The following MAP3K14 variants were observed in gnomAD, a reference collection of about 807,000 sequenced individuals.
MAP3K14 encodes NF-kappa-beta-inducing kinase.
In MAP3K14, 16 loss-of-function variants were observed where a neutral mutation model predicts 99.2. That is an observed-to-expected ratio of 0.16 (90% CI 0.11 to 0.24). The LOEUF is 0.24. Among genes scored for constraint, MAP3K14 ranks in the 10% least tolerant of loss-of-function variants. The pLI, the probability that MAP3K14 is intolerant of heterozygous loss-of-function variation, is 1.00. For synonymous variants in MAP3K14, 462 were observed against 492.4 expected, an observed-to-expected ratio of 0.94 and a Z score of 0.82; for missense variants, 784 against 1,208.7, an observed-to-expected ratio of 0.65 and a Z score of 5.21.
intron 8 of MAP3K14, chr17:45,273,859 G>A (rs1378906453): frequency 7.8e-6 from 5 of 643,806 alleles, no homozygotes; most frequent in East Asian, 2.7e-5. Context: ...CACTCTGCTC[G>A]CCTGCGCCGA....
chr17:45,286,526 G>A lies in MAP3K14; in HGVS notation c.1057C>T (p.Leu353=). The change falls in exon 5 of 16, where the codon CTG becomes TTG. Residue 353 remains leucine (L), a synonymous_variant. Transcript: ENST00000344686. The surrounding 1 kb of genome is among the most constrained non-coding windows in gnomAD (Gnocchi z 4.1). ...GCCCAGGTCTTGGCCAGGCTGGTCA[G>A]GCTGTGGGCCTGGCCTGAGCTCACG... ...GSVSSGQAHS[L]TSLAKTWAAR... 2 of 1,609,094 alleles carry A rather than the reference G, an allele frequency of 1.2e-6. No homozygotes were observed. The highest frequency in any genetic ancestry group is 1.7e-6 in the Non-Finnish European group (2 of 1,178,012).
intron 1 of MAP3K14, among the ~76,000 whole-genome samples, chr17:45,305,331 C>T (rs2044422682): frequency 6.6e-6 from 1 of 151,004 alleles, no homozygotes; most frequent in African/African-American, 2.4e-5. Flanking sequence ...CTCCTGACCT[C>T]GTGATCCACC....
At position 45,264,642 on chromosome 17, in the gene MAP3K14, C is replaced by A. The variant is rs938668071; in HGVS notation, c.2838G>T (p.Arg946Ser). 17 of 1,578,306 alleles carry A rather than the reference C, an allele frequency of 1.1e-5. No individual in the cohort carries two copies. The highest frequency in any genetic ancestry group is 1.5e-5 in the Non-Finnish European group (17 of 1,162,860). Reference protein sequence around the residue: ...WRVKHGQLENRP With the variant: ...WRVKHGQLENSP ...CCGGCGGTGGAGGGCAGGGTTAGGG[C>A]CTGTTCTCCAGCTGGCCATGCTTGA... Residue 946 changes from arginine (R) to serine (S), a missense_variant, in exon 16 of 16, where the codon AGG becomes AGT. By Grantham distance (110) the Arg-to-Ser change is moderately radical. Around this residue, in one of 5 missense-constraint regions of MAP3K14, gnomAD observed 130 missense variants for 220.4 expected, o/e 0.59. Coordinates refer to ENST00000344686, the MANE Select transcript of MAP3K14 (RefSeq NM_003954.5).
In MAP3K14 at chr17:45,264,513, C is replaced by G. The variant is rs2044053572; in HGVS notation, c.*123G>C. On this transcript the variant is annotated 3_prime_UTR_variant, in exon 16 of 16. Coordinates refer to ENST00000344686, the MANE Select transcript of MAP3K14 (RefSeq NM_003954.5). ...CACCTTGCTGCTGCGAGGCCCTGGT[C>G]CCACTGCTGAGCCGGGGGCTGGCAG... 8.0e-7 allele frequency: 1 copy of G among 1,257,262 alleles called. No individual in the cohort carries two copies. 77.9% of individuals were successfully genotyped at this position (1,257,262 alleles called of 1,614,324 possible). A position where few individuals can be genotyped will look rare whatever the true frequency, so the allele number is the denominator to read the frequency against.
chr17:45,264,486 C>G lies in MAP3K14; in HGVS notation c.*150G>C. On this transcript the variant is annotated 3_prime_UTR_variant, in exon 16 of 16. Transcript: ENST00000344686. ...AATCCTGGGAGGCATTCTGCTTGCC[C>G]CCACCTTGCTGCTGCGAGGCCCTGG... The G allele has an allele frequency of 1.0e-6, 1 of 962,934 alleles. No individual in the cohort carries two copies. The allele number at this position is 962,934 out of a possible 1,614,324, so 59.6% of individuals were successfully genotyped here.
intron 11 of MAP3K14, chr17:45,268,072 A>G: frequency 3.4e-6 from 1 of 292,426 alleles, no homozygotes; most frequent in South Asian, 4.4e-5. Context: ...CAAGAAAGAG[A>G]AGATTGAAAA....
At position 45,273,585 on chromosome 17, in the gene MAP3K14, G is replaced by A. The variant is rs374692281; in HGVS notation, c.1575C>T (p.Ser525=). 99 of 1,612,996 alleles carry A rather than the reference G, an allele frequency of 6.1e-5. No individual in the cohort carries two copies. The highest frequency in any genetic ancestry group is 8.0e-5 in the Non-Finnish European group (94 of 1,179,582). ...DVKADNVLLS[S]DGSHAALCDF... The stretch of plus-strand genomic sequence containing the variant: ...CACAGAGGGCTGCGTGGCTCCCATC[G>A]CTGGACAGGAGCACGTTGTCAGCTG... Residue 525 remains serine, a synonymous_variant, in exon 9 of 16, where the codon AGC becomes AGT. Transcript: ENST00000344686.
rs750630642 is a variant in MAP3K14 at position 45,289,299 on chromosome 17, T to G, written c.263A>C (p.Asn88Thr). Residue 88 changes from asparagine to threonine, a missense_variant, in exon 3 of 16, where the codon AAT becomes ACT. By Grantham distance (65) the Asn-to-Thr change is moderately conservative. Transcript: ENST00000344686. The stretch of plus-strand genomic sequence containing the variant: ...AAAGGTGGGGCTGAACTCTTGGCTA[T>G]TCTCACCTAAAGCAAAAGGAGTTGG... ...ISIIAQAECE[N>T]SQEFSPTFSE... 1.2e-6 allele frequency: 2 copies of G among 1,613,928 alleles called. No individual in the cohort carries two copies. Among genetic ancestry groups the G allele is most frequent in the East Asian group, 2.2e-5 (1 of 44,882 alleles).
chr17:45,279,196 C>A (rs2044201189), intron 6 of MAP3K14, among the ~76,000 whole-genome samples: 1 of 152,208 alleles, frequency 6.6e-6, no homozygotes, highest in Non-Finnish European at 1.5e-5. Flanking sequence ...ATGGCGTGAT[C>A]TCGGCTCACC....
At chr17:45,273,019 A>G (rs1382168495) in intron 9 of MAP3K14, among the ~76,000 whole-genome samples, 1 of 152,190 alleles carries the variant, frequency 6.6e-6, no homozygotes, top group Non-Finnish European at 1.5e-5. Context: ...CCTCTTTTAT[A>G]TGCTTAACTC....
chr17:45,308,942 C>T (rs1385523747), intron 1 of MAP3K14, among the ~76,000 whole-genome samples: 2 of 152,036 alleles, frequency 1.3e-5, no homozygotes, highest in African/African-American at 4.8e-5. Flanking sequence ...GCTGGGATTA[C>T]AGGTGTGAGC....
At chr17:45,307,687 C>T (rs538660062) in intron 1 of MAP3K14, among the ~76,000 whole-genome samples, 1 of 152,282 alleles carries the variant, frequency 6.6e-6, no homozygotes, top group African/African-American at 2.4e-5. Flanking sequence ...CTTCAAGCAG[C>T]GTCTACCTGT....
At chr17:45,312,547 C>CT (rs1009520549) in intron 1 of MAP3K14, among the ~76,000 whole-genome samples, 1 of 151,652 alleles carries the variant, frequency 6.6e-6, no homozygotes, top group Non-Finnish European at 1.5e-5. Context: ...TAACATGAAA[C>CT]TTTTTTTTTC....
chr17:45,264,572 C>A lies in MAP3K14; in HGVS notation c.*64G>T. On this transcript the variant is annotated 3_prime_UTR_variant, in exon 16 of 16. Transcript: ENST00000344686. ...GAACGGCTGAGCCTGTGTTTCAGGGCAGCATCGTGCACCGAGCAGGAAGGC... is the reference window on the plus strand; with the variant it reads ...GAACGGCTGAGCCTGTGTTTCAGGGAAGCATCGTGCACCGAGCAGGAAGGC... 6.8e-7 allele frequency: 1 copy of A among 1,479,224 alleles called. No homozygotes were observed. Among genetic ancestry groups the A allele is most frequent in the Admixed American group, 2.2e-5 (1 of 45,578 alleles). The allele number at this position is 1,479,224 out of a possible 1,614,324, so 91.6% of individuals were successfully genotyped here.
At chr17:45,264,908 C>T in intron 15 of MAP3K14, 108 bp from the exon 16 acceptor site, 1 of 1,197,186 alleles carries the variant, frequency 8.4e-7, no homozygotes, top group Non-Finnish European at 1.2e-6. Flanking sequence ...AAGGGCACTG[C>T]CTGTCTGTCA....
Position 45,264,488 on chromosome 17 carries a change from C to T in MAP3K14, c.*148G>A. On this transcript the variant is annotated 3_prime_UTR_variant, in exon 16 of 16. Transcript: ENST00000344686. ...TCCTGGGAGGCATTCTGCTTGCCCC[C>T]ACCTTGCTGCTGCGAGGCCCTGGTC... 5.1e-6 allele frequency: 5 copies of T among 978,272 alleles called. No homozygotes were observed. Among genetic ancestry groups the T allele is most frequent in the Non-Finnish European group, 5.8e-6 (4 of 688,952 alleles). 60.6% of individuals were successfully genotyped at this position (978,272 alleles called of 1,614,324 possible).
At chr17:45,300,000 G>C (rs1412540338) in intron 1 of MAP3K14, among the ~76,000 whole-genome samples, 4 of 152,152 alleles carry the variant, frequency 2.6e-5, no homozygotes, top group African/African-American at 7.2e-5. Context: ...TGAGATGAGA[G>C]AATTGCTTGA....
intron 1 of MAP3K14, among the ~76,000 whole-genome samples, chr17:45,297,632 A>G (rs2044355411): frequency 6.6e-6 from 1 of 152,200 alleles, no homozygotes; most frequent in South Asian, 2.1e-4. Context: ...GTAAATAGGA[A>G]AAAGAAACAA....
At chr17:45,310,344 A>G (rs1026761075) in intron 1 of MAP3K14, among the ~76,000 whole-genome samples, 7 of 152,038 alleles carry the variant, frequency 4.6e-5, no homozygotes, top group African/African-American at 1.7e-4. Context: ...TCCATTTATA[A>G]TCTTAACTGG....
Sources: allele counts gnomAD v4.1 joint callset (sites outside exome capture counted in the v4.1 genomes callset), GRCh38; gene constraint gnomAD v4.1.1; regional missense constraint gnomAD v4.1.1; non-coding constraint Gnocchi (gnomAD v3.1); transcripts MANE v1.5; gene names NCBI Gene and HGNC (gene_info 2026-07-23, HGNC 2026-07-21).